The following DCUN1D4 variants were observed in gnomAD, a reference collection of about 807,000 sequenced individuals.
DCUN1D4 encodes the protein DCN1-like protein 4.
In DCUN1D4, 22 loss-of-function variants were observed where a neutral mutation model predicts 47.9. The observed-to-expected ratio is 0.46, with a 90% CI of 0.33 to 0.66. The LOEUF is 0.66. Ranked by LOEUF, DCUN1D4 falls within the 30% of genes least tolerant of loss-of-function variation. The pLI, the probability that DCUN1D4 is intolerant of heterozygous loss-of-function variation, is 0.02. For missense variants in DCUN1D4, 301 were observed against 340.8 expected (o/e 0.88, Z 0.92); for synonymous variants, 121 against 112.2 (o/e 1.08, Z -0.50).
intron 5 of DCUN1D4, among the ~76,000 whole-genome samples, chr4:51,881,000 C>T (rs908467578): frequency 9.9e-5 from 15 of 152,098 alleles, no homozygotes; most frequent in Admixed American, 7.2e-4. Flanking sequence ...TGGTGGCATG[C>T]GCCTGAGGTG....
At chr4:51,858,649 G>A (rs1193922667) in intron 1 of DCUN1D4, among the ~76,000 whole-genome samples, 1 of 152,122 alleles carries the variant, frequency 6.6e-6, no homozygotes, top group Non-Finnish European at 1.5e-5. Flanking sequence ...TTGTGTATGT[G>A]TATTTATACG....
At chr4:51,894,752 A>G (rs1021976507) in intron 7 of DCUN1D4, among the ~76,000 whole-genome samples, 3 of 152,174 alleles carry the variant, frequency 2.0e-5, no homozygotes, top group African/African-American at 7.2e-5. Flanking sequence ...TATTAAACCT[A>G]TCTAATGAAA....
At chr4:51,888,809 A>G (rs1180294888) in intron 6 of DCUN1D4, among the ~76,000 whole-genome samples, 1 of 149,838 alleles carries the variant, frequency 6.7e-6, no homozygotes, top group Non-Finnish European at 1.5e-5. Context: ...AAAAGACCAT[A>G]TTATCCAAGT....
Position 51,899,189 on chromosome 4 carries a change from A to G in DCUN1D4, c.507-81A>G, listed in dbSNP as rs935308478. 6.9e-6 allele frequency: 10 copies of G among 1,439,302 alleles called. No homozygotes were observed. The Admixed American group carries it at 1.9e-4, about 27-fold the overall frequency. The allele number at this position is 1,439,302 out of a possible 1,614,324, so 89.2% of individuals were successfully genotyped here. A position where few individuals can be genotyped will look rare whatever the true frequency, so the allele number is the denominator to read the frequency against. On this transcript the variant is annotated intron_variant, in intron 7 of 10. Coordinates refer to ENST00000334635, the MANE Select transcript of DCUN1D4 (RefSeq NM_001040402.3). ...TCAGGGATTTGTTCTTTCCTTTGGTATTGTGTTTATATTACTGCCTCTATT... is the reference window on the plus strand; with the variant it reads ...TCAGGGATTTGTTCTTTCCTTTGGTGTTGTGTTTATATTACTGCCTCTATT...
Position 51,874,365 on chromosome 4 carries a change from C to G in DCUN1D4, c.231C>G (p.Ala77=), listed in dbSNP as rs2109977985. ...RRPASGDDLS[A]KKSRHDSMYR... Reference sequence around the variant, plus strand: ...CTGCCTCTGGAGATGATTTATCTGCCAAGAAAAGTAGACATGATAGGTATG... The same window carrying G: ...CTGCCTCTGGAGATGATTTATCTGCGAAGAAAAGTAGACATGATAGGTATG... Residue 77 remains alanine, a synonymous_variant, in exon 4 of 11, where the codon GCC becomes GCG. Coordinates refer to ENST00000334635, the MANE Select transcript of DCUN1D4 (RefSeq NM_001040402.3). 6.2e-7 allele frequency: 1 copy of G among 1,612,688 alleles called. No individual in the cohort carries two copies.
intron 1 of DCUN1D4, among the ~76,000 whole-genome samples, chr4:51,854,367 G>A (rs1236542590): frequency 6.6e-6 from 1 of 152,088 alleles, no homozygotes; most frequent in African/African-American, 2.4e-5. Flanking sequence ...ACTTAAAATT[G>A]TATTTTGTAC....
chr4:51,844,893 G>C (rs1010432575), intron 1 of DCUN1D4: 3 of 985,346 alleles, frequency 3.0e-6, no homozygotes, highest in East Asian at 1.1e-4. Flanking sequence ...CGGCCAACTC[G>C]TGCTTTATTC....
At chr4:51,895,559 TAA>T (rs67542268) in intron 7 of DCUN1D4, among the ~76,000 whole-genome samples, 23,497 of 87,444 alleles carry the variant, frequency 0.27, 2,745 homozygotes, top group Non-Finnish European at 0.37. Flanking sequence ...TGCTTAAACT[TAA>T]AAAAAAAAAA....
chr4:51,843,234 T>C lies in DCUN1D4; in HGVS notation c.-9T>C, dbSNP rs1337775624. On this transcript the variant is annotated 5_prime_UTR_variant, in exon 1 of 11. Transcript: ENST00000334635. ...CCTGGGCGGCGAGCCGGGTGTGAGC[T>C]GCCTGAAAATGCACTCGGATGCCGC... 2 of 1,541,434 alleles carry C rather than the reference T, an allele frequency of 1.3e-6. No homozygotes were observed. The highest frequency in any genetic ancestry group is 1.7e-6 in the Non-Finnish European group (2 of 1,143,656).
chr4:51,909,723 A>C (rs1196037798), intron 8 of DCUN1D4, among the ~76,000 whole-genome samples: 1 of 152,120 alleles, frequency 6.6e-6, no homozygotes, highest in Non-Finnish European at 1.5e-5. Context: ...CATCAGACTT[A>C]AGTTATGTGA....
intron 5 of DCUN1D4, among the ~76,000 whole-genome samples, chr4:51,882,413 G>A (rs535360176): frequency 5.3e-5 from 8 of 152,272 alleles, no homozygotes; most frequent in East Asian, 3.9e-4. Context: ...AGAGGAAGCC[G>A]GGGAACACCC....
chr4:51,853,437 T>A (rs1256523867), intron 1 of DCUN1D4, among the ~76,000 whole-genome samples: 1 of 152,250 alleles, frequency 6.6e-6, no homozygotes, highest in Admixed American at 6.5e-5. Context: ...GTTTTTACCC[T>A]GCTTTTCAGC....
intron 7 of DCUN1D4, among the ~76,000 whole-genome samples, chr4:51,893,583 C>T (rs977550063): frequency 3.3e-5 from 5 of 152,094 alleles, no homozygotes; most frequent in Admixed American, 1.3e-4. Flanking sequence ...GACACCGCCA[C>T]GCCCGGCTGA....
At chr4:51,877,563 C>A in intron 4 of DCUN1D4, 200 bp from the exon 5 acceptor site, 1 of 391,382 alleles carries the variant, frequency 2.6e-6, no homozygotes, top group Non-Finnish European at 4.6e-6. Context: ...AAGTGCTTAC[C>A]AGTTCTATAT....
At chr4:51,881,481 A>G (rs1229683475) in intron 5 of DCUN1D4, among the ~76,000 whole-genome samples, 1 of 152,128 alleles carries the variant, frequency 6.6e-6, no homozygotes, top group African/African-American at 2.4e-5. Flanking sequence ...GTATGCTATA[A>G]TTATGGGGCC....
At chr4:51,845,891 CTG>C (rs1415303562) in intron 1 of DCUN1D4, among the ~76,000 whole-genome samples, 1 of 152,122 alleles carries the variant, frequency 6.6e-6, no homozygotes, top group African/African-American at 2.4e-5. Flanking sequence ...TTATATCTAT[CTG>C]TCATATTTTA....
Position 51,913,315 on chromosome 4 carries a change from A to G in DCUN1D4, c.746A>G (p.Lys249Arg), listed in dbSNP as rs1264988822. The change falls in exon 10 of 11, where the codon AAA becomes AGA. Residue 249 changes from lysine (K) to arginine (R), a missense_variant. Transcript: ENST00000334635. ...CAATCAAAATACAAAGTTATTAATA[A>G]AGACCAGTGGTGCAATGTCCTAGAG... is the stretch of plus-strand genomic sequence containing the variant. ...LEQSKYKVIN[K>R]DQWCNVLEFS... 1 of 1,610,010 alleles carries G rather than the reference A, an allele frequency of 6.2e-7. No individual in the cohort carries two copies. Among genetic ancestry groups the G allele is most frequent in the Non-Finnish European group, 8.5e-7 (1 of 1,177,686 alleles).
At chr4:51,843,327 G>C in intron 1 of DCUN1D4, 60 bp downstream of exon 1, 7 of 1,484,062 alleles carry the variant, frequency 4.7e-6, no homozygotes, top group Non-Finnish European at 5.4e-6. Context: ...CTCGCCACTC[G>C]GCTCCCGCAG....
At chr4:51,906,087 AG>A (rs1490903433) in intron 8 of DCUN1D4, among the ~76,000 whole-genome samples, 1 of 152,144 alleles carries the variant, frequency 6.6e-6, no homozygotes, top group Non-Finnish European at 1.5e-5. Flanking sequence ...ACCTTAAAGA[AG>A]TCGAATGAAG....
Sources: allele counts gnomAD v4.1 joint callset (sites outside exome capture counted in the v4.1 genomes callset), GRCh38; gene constraint gnomAD v4.1.1; transcripts MANE v1.5; gene names NCBI Gene and HGNC (gene_info 2026-07-23, HGNC 2026-07-21).